Variants in JRK observed in about 807,000 individuals in gnomAD.
JRK encodes Jrk helix-turn-helix protein.
For synonymous variants in JRK, 303 were observed against 218.1 expected (o/e 1.39, Z -3.43); for missense variants, 720 against 509.2 (o/e 1.41, Z -3.98).
Position 142,662,655 on chromosome 8 carries a change from T to C in JRK, c.*1697A>G. On this transcript the variant is annotated 3_prime_UTR_variant, in exon 2 of 2. Coordinates refer to ENST00000612905, the MANE Select transcript of JRK (RefSeq NM_003724.4). ...CACTTCCAGGACATAGATAGGGCTC[T>C]GTCAGCAATGACTTTTGCCCCTGTA... 1 of 985,368 alleles carries C rather than the reference T, an allele frequency of 1.0e-6. No homozygotes were observed. Among genetic ancestry groups the C allele is most frequent in the Non-Finnish European group, 1.2e-6 (1 of 829,850 alleles). The allele number at this position is 985,368 out of a possible 1,614,324, so 61.0% of individuals were successfully genotyped here. A position where few individuals can be genotyped will look rare whatever the true frequency, so the allele number is the denominator to read the frequency against.
intron 1 of JRK, among the ~76,000 whole-genome samples, chr8:142,669,162 T>TTG (rs1847229346): frequency 1.8e-5 from 2 of 110,174 alleles, no homozygotes; most frequent in Non-Finnish European, 3.7e-5. Flanking sequence ...CGCAGGGGCA[T>TTG]AGTGTGTGTG....
Position 142,663,352 on chromosome 8 carries a change from A to C in JRK, c.*1000T>G, listed in dbSNP as rs1846977479. On this transcript the variant is annotated 3_prime_UTR_variant, in exon 2 of 2. Transcript: ENST00000612905. Reference sequence around the variant, plus strand: ...CCTCTGTGAAAACTGACCAGGACAGACAACTCCTCCCCAAAAGTATTACTA... The same window carrying C: ...CCTCTGTGAAAACTGACCAGGACAGCCAACTCCTCCCCAAAAGTATTACTA... 7.1e-6 allele frequency: 7 copies of C among 985,464 alleles called. No individual in the cohort carries two copies. The highest frequency in any genetic ancestry group is 8.4e-6 in the Non-Finnish European group (7 of 829,926). 61.0% of individuals were successfully genotyped at this position (985,464 alleles called of 1,614,324 possible). A position where few individuals can be genotyped will look rare whatever the true frequency, so the allele number is the denominator to read the frequency against.
At chr8:142,653,321 A>T (rs587703097), downstream of JRK, among the ~76,000 whole-genome samples, 65 of 152,248 alleles carry the variant, frequency 4.3e-4, no homozygotes, top group African/African-American at 1.4e-3. Context: ...AAGATTTTCA[A>T]CTTCCCCAAT....
At chr8:142,646,000 C>CT in the JRK span, among the ~76,000 whole-genome samples, 89,730 of 151,566 alleles carry the variant, frequency 0.59, 27,972 homozygotes, top group Admixed American at 0.69. Context: ...AAAGCACACA[C>CT]TTTTTTTTAG....
In JRK at chr8:142,663,640, C is replaced by T. The variant is rs1286536536; in HGVS notation, c.*712G>A. 1 of 985,356 alleles carries T rather than the reference C, an allele frequency of 1.0e-6. No individual in the cohort carries two copies. Among genetic ancestry groups the T allele is most frequent in the African/African-American group, 1.7e-5 (1 of 57,242 alleles). The allele number at this position is 985,356 out of a possible 1,614,324, so 61.0% of individuals were successfully genotyped here. A position where few individuals can be genotyped will look rare whatever the true frequency, so the allele number is the denominator to read the frequency against. On this transcript the variant is annotated 3_prime_UTR_variant, in exon 2 of 2. Coordinates refer to ENST00000612905, the MANE Select transcript of JRK (RefSeq NM_003724.4). Reference sequence around the variant, plus strand: ...CTGGTCAGCCACTCCTACTTTCTTCCCAGAAAGGAACTCTACCAAGTCAAC... The same window carrying T: ...CTGGTCAGCCACTCCTACTTTCTTCTCAGAAAGGAACTCTACCAAGTCAAC...
chr8:142,663,201 G>C lies in JRK; in HGVS notation c.*1151C>G. ...CTATTTTATGCTCGCTGAAAGACGA[G>C]GCTAATCACTGTGGACACAGGGCGT... On this transcript the variant is annotated 3_prime_UTR_variant, in exon 2 of 2. Coordinates refer to ENST00000612905, the MANE Select transcript of JRK (RefSeq NM_003724.4). 6.1e-6 allele frequency: 6 copies of C among 985,470 alleles called. No homozygotes were observed. The highest frequency in any genetic ancestry group is 7.2e-6 in the Non-Finnish European group (6 of 829,940). 61.0% of individuals were successfully genotyped at this position (985,470 alleles called of 1,614,324 possible).
chr8:142,664,794 A>T lies in JRK; in HGVS notation c.1265T>A (p.Val422Glu). The T allele has an allele frequency of 1.3e-6, 2 of 1,593,300 alleles. No individual in the cohort carries two copies. The highest frequency in any genetic ancestry group is 1.7e-6 in the Non-Finnish European group (2 of 1,170,594). ...GCCCGGGCAGGAGGAGCCTTCCTTC[A>T]CAAGCTCCAGGATGTGTGCAAAGGA... ...NKSFAHILEL[V>E]KEGSSCPGQL... The change falls in exon 2 of 2, where the codon GTG becomes GAG. Residue 422 changes from valine (V) to glutamate (E), a missense_variant. Val to Glu is a moderately radical substitution (Grantham distance 121, BLOSUM62 -2). Transcript: ENST00000612905.
At position 142,664,246 on chromosome 8, in the gene JRK, G is replaced by A; in HGVS notation, c.*106C>T. 1 of 1,436,968 alleles carries A rather than the reference G, an allele frequency of 7.0e-7. No homozygotes were observed. Among genetic ancestry groups the A allele is most frequent in the Non-Finnish European group, 9.2e-7 (1 of 1,092,204 alleles). 89.0% of individuals were successfully genotyped at this position (1,436,968 alleles called of 1,614,324 possible). ...CCCACTCCTGGAAGGGCTCTTGAGTGTCTGCACATGCCCTCCTGCCTCAGG... is the reference window on the plus strand; with the variant it reads ...CCCACTCCTGGAAGGGCTCTTGAGTATCTGCACATGCCCTCCTGCCTCAGG... On this transcript the variant is annotated 3_prime_UTR_variant, in exon 2 of 2. Transcript: ENST00000612905.
downstream of JRK, among the ~76,000 whole-genome samples, chr8:142,656,640 T>G (rs782731999): frequency 3.3e-5 from 5 of 152,248 alleles, no homozygotes; most frequent in Non-Finnish European, 7.3e-5. Flanking sequence ...CTTCCACTGT[T>G]TTTGAGAGCA....
Position 142,664,503 on chromosome 8 carries a change from C to G in JRK, c.1556G>C (p.Arg519Pro), listed in dbSNP as rs781958857. The G allele has an allele frequency of 2.5e-6, 4 of 1,608,956 alleles. No homozygotes were observed. In the African/African-American group the frequency reaches 5.3e-5, roughly 21 times the overall value. The change falls in exon 2 of 2, where the codon CGT (arginine) becomes CCT (proline). Residue 519 changes from arginine to proline, a missense_variant. By Grantham distance (103) the Arg-to-Pro change is moderately radical. Transcript: ENST00000612905. ...AQEVGQLRALRAVFRSQQQVR... is the reference protein window; with the variant it reads ...AQEVGQLRALPAVFRSQQQVR... ...CTGCTGCTGGCTCCGGAACACGGCA[C>G]GCAGCGCCCGCAGCTGCCCCACTTC...
chr8:142,663,022 G>T lies in JRK; in HGVS notation c.*1330C>A. ...AAAAAAAATAAAAAGGCGCGGTGGTGCGTGCCTCTAGTCCCAGCTACTCAG... is the reference window on the plus strand; with the variant it reads ...AAAAAAAATAAAAAGGCGCGGTGGTTCGTGCCTCTAGTCCCAGCTACTCAG... On this transcript the variant is annotated 3_prime_UTR_variant, in exon 2 of 2. Transcript: ENST00000612905. 1 of 549,336 alleles carries T rather than the reference G, an allele frequency of 1.8e-6. No homozygotes were observed. Among genetic ancestry groups the T allele is most frequent in the Non-Finnish European group, 2.3e-6 (1 of 432,166 alleles). The allele number at this position is 549,336 out of a possible 1,614,324, so 34.0% of individuals were successfully genotyped here.
In JRK at chr8:142,665,558, C is replaced by T. The variant is rs782366281; in HGVS notation, c.501G>A (p.Ala167=). 42 of 718,532 alleles carry T rather than the reference C, an allele frequency of 5.8e-5. No individual in the cohort carries two copies. Among genetic ancestry groups the T allele is most frequent in the Admixed American group, 2.4e-4 (12 of 50,022 alleles). The allele number at this position is 718,532 out of a possible 1,614,324, so 44.5% of individuals were successfully genotyped here. A position where few individuals can be genotyped will look rare whatever the true frequency, so the allele number is the denominator to read the frequency against. ...ADHQAAEQFC[A]FFRSLAAEHG... is the part of the protein sequence containing the mutation. Reference sequence around the variant, plus strand: ...GCTCAGCAGCCAAGCTCCTGAAAAACGCACAGAACTGCTCCGCGGCCTGGT... The same window carrying T: ...GCTCAGCAGCCAAGCTCCTGAAAAATGCACAGAACTGCTCCGCGGCCTGGT... Residue 167 remains alanine (A), a synonymous_variant, in exon 2 of 2, where the codon GCG becomes GCA. Transcript: ENST00000612905.
downstream of JRK, among the ~76,000 whole-genome samples, chr8:142,654,810 G>T (rs1846719229): frequency 6.6e-6 from 1 of 151,926 alleles, no homozygotes; most frequent in South Asian, 2.1e-4. Flanking sequence ...GCAGCCAAGA[G>T]CCTTGAGCTG....
At chr8:142,657,365 C>T (rs1425329693), downstream of JRK, 1 of 152,544 alleles carries the variant, frequency 6.6e-6, no homozygotes, top group African/African-American at 2.4e-5. Flanking sequence ...GAGCAGGTGT[C>T]CTGTAACATC....
the JRK span, among the ~76,000 whole-genome samples, chr8:142,652,045 T>C: frequency 1.3e-5 from 2 of 152,012 alleles, no homozygotes; most frequent in Admixed American, 6.6e-5. Context: ...AGCATAAACA[T>C]TAAATCTCAA....
chr8:142,664,511 C>T lies in JRK; in HGVS notation c.1548G>A (p.Arg516=). 2 of 1,609,388 alleles carry T rather than the reference C, an allele frequency of 1.2e-6. No individual in the cohort carries two copies. The highest frequency in any genetic ancestry group is 1.7e-6 in the Non-Finnish European group (2 of 1,178,574). ...GGCTCCGGAACACGGCACGCAGCGC[C>T]CGCAGCTGCCCCACTTCCTGCGCAC... ...CFSAQEVGQL[R]ALRAVFRSQQ... The change falls in exon 2 of 2, where the codon CGG becomes CGA. Residue 516 remains arginine (R), a synonymous_variant. Transcript: ENST00000612905.
chr8:142,644,688 G>A, the JRK span, among the ~76,000 whole-genome samples: 1 of 28,258 alleles, frequency 3.5e-5, no homozygotes, highest in Non-Finnish European at 1.4e-4. Flanking sequence ...GTGCTAACTC[G>A]ATTTCAAAAA....
Position 142,669,197 on chromosome 8 carries a change from TGTGC to T in JRK, c.-463+731_-463+734del, listed in dbSNP as rs1327590789. Among the ~76,000 whole-genome samples the T allele has an allele frequency of 5.5e-3, 315 of 56,814 alleles. 3 individuals carry two copies. Among genetic ancestry groups the T allele is most frequent in the South Asian group, 0.017 (20 of 1,204 alleles). 37.3% of individuals were successfully genotyped at this position (56,814 alleles called of 152,430 possible). Reference sequence around the variant, plus strand: ...GTGTGTGTGTGTGTGTGTGTGTGTGTGTGCGTGTGTGTGTTGGGGGGTATGGAGG... The same window carrying T: ...GTGTGTGTGTGTGTGTGTGTGTGTGTGTGTGTGTGTTGGGGGGTATGGAGG... On this transcript the variant is annotated intron_variant, in intron 1 of 1. Coordinates refer to ENST00000612905, the MANE Select transcript of JRK (RefSeq NM_003724.4).
At chr8:142,650,135 C>A in the JRK span, among the ~76,000 whole-genome samples, 1 of 152,268 alleles carries the variant, frequency 6.6e-6, no homozygotes, top group Non-Finnish European at 1.5e-5. Context: ...TGCATGGGGC[C>A]TGTGGCCCCT....
Sources: allele counts gnomAD v4.1 joint callset (sites outside exome capture counted in the v4.1 genomes callset), GRCh38; gene constraint gnomAD v4.1.1; transcripts MANE v1.5; gene names NCBI Gene and HGNC (gene_info 2026-07-23, HGNC 2026-07-21).